Variants in GRIK2 observed in about 807,000 individuals in gnomAD.
The protein encoded by GRIK2 is glutamate receptor ionotropic, kainate 2.
GRIK2 carries 32 observed loss-of-function variants against 100.3 expected under a neutral mutation model. The ratio of observed to expected loss-of-function variants is 0.32; its 90% CI spans 0.24 to 0.43. The LOEUF (loss-of-function observed/expected upper bound fraction) is 0.43, where lower values mean the gene tolerates loss of function less well. GRIK2 is among the 20% of genes least tolerant of loss of function. The pLI is 1.00. For synonymous variants in GRIK2, 417 were observed against 389.4 expected, an observed-to-expected ratio of 1.07 and a Z score of -0.83; for missense variants, 843 against 1,114.9, an observed-to-expected ratio of 0.76 and a Z score of 3.47.
At chr6:101,611,441 G>A (rs186026208) in intron 2 of GRIK2, among the ~76,000 whole-genome samples, 29 of 151,816 alleles carry the variant, frequency 1.9e-4, no homozygotes, top group Middle Eastern at 3.4e-3. Flanking sequence ...CTAGAACTTC[G>A]AAAATTCCAG....
At chr6:101,771,517 A>C (rs940215690) in intron 7 of GRIK2, among the ~76,000 whole-genome samples, 1 of 150,872 alleles carries the variant, frequency 6.6e-6, no homozygotes, top group African/African-American at 2.4e-5. Flanking sequence ...GTTTTATTTT[A>C]TTTTTATTTA....
intron 2 of GRIK2, among the ~76,000 whole-genome samples, chr6:101,483,145 G>A (rs1421551613): frequency 1.3e-5 from 2 of 151,950 alleles, no homozygotes; most frequent in Non-Finnish European, 2.9e-5. Flanking sequence ...CTAAAGCAGT[G>A]GTCGCAATTT....
intron 7 of GRIK2, among the ~76,000 whole-genome samples, chr6:101,732,890 C>T (rs1413470673): frequency 6.6e-6 from 1 of 151,986 alleles, no homozygotes; most frequent in Non-Finnish European, 1.5e-5. Context: ...TGGGTTCTCC[C>T]ATACTGGAGA....
chr6:102,063,932 C>T, intron 16 of GRIK2: 1 of 983,934 alleles, frequency 1.0e-6, no homozygotes, highest in Non-Finnish European at 1.6e-6. Context: ...TACATGCTAA[C>T]AGCTCAAAGA....
chr6:101,997,462 C>T (rs1794710483), intron 14 of GRIK2, among the ~76,000 whole-genome samples: 1 of 151,974 alleles, frequency 6.6e-6, no homozygotes, highest in Non-Finnish European at 1.5e-5. Flanking sequence ...TTAGTTTTCA[C>T]TCAATGTGAT....
At chr6:101,765,537 T>C (rs1162669823) in intron 7 of GRIK2, among the ~76,000 whole-genome samples, 1 of 152,152 alleles carries the variant, frequency 6.6e-6, no homozygotes, top group African/African-American at 2.4e-5. Flanking sequence ...AGATTGCATT[T>C]CAGCTTTGGA....
At chr6:101,442,108 G>T (rs570774612) in intron 2 of GRIK2, among the ~76,000 whole-genome samples, 18 of 152,212 alleles carry the variant, frequency 1.2e-4, no homozygotes, top group Admixed American at 6.5e-4. Context: ...TGGCAGAAAA[G>T]GATAGCATGA....
intron 2 of GRIK2, among the ~76,000 whole-genome samples, chr6:101,588,387 G>T (rs1434548760): frequency 2.0e-5 from 3 of 152,068 alleles, no homozygotes; most frequent in Non-Finnish European, 4.4e-5. Flanking sequence ...TGCAGGGGCG[G>T]GGAGGATCAG....
rs1385720688 is a variant in GRIK2 at position 101,487,793 on chromosome 6, A to C, written c.115+88401A>C. 1.4e-5 allele frequency among the ~76,000 whole-genome samples: 2 copies of C among 146,676 alleles called. 1 individual carries two copies. The highest frequency in any genetic ancestry group is 4.3e-4 in the South Asian group (2 of 4,674). On this transcript the variant is annotated intron_variant, in intron 2 of 16. Coordinates refer to ENST00000369134, the MANE Select transcript of GRIK2 (RefSeq NM_021956.5). ...ATACAGCATTAAATTTAAAAAGATC[A>C]AACTATTGGTCTTCATGGAGCTTGT...
chr6:101,789,311 A>G (rs1481709332), intron 7 of GRIK2, among the ~76,000 whole-genome samples: 2 of 151,742 alleles, frequency 1.3e-5, no homozygotes, highest in Non-Finnish European at 2.9e-5. Flanking sequence ...CAATGCCTAG[A>G]TTTTCTTTTG....
At chr6:101,531,893 C>T (rs906206966) in intron 2 of GRIK2, among the ~76,000 whole-genome samples, 2 of 151,968 alleles carry the variant, frequency 1.3e-5, no homozygotes, top group East Asian at 1.9e-4. Context: ...TACTGCTACT[C>T]GTTGATTCCA....
At chr6:101,999,915 T>C (rs1001138778) in intron 14 of GRIK2, among the ~76,000 whole-genome samples, 1 of 152,092 alleles carries the variant, frequency 6.6e-6, no homozygotes, top group African/African-American at 2.4e-5. Context: ...CTTATACTTT[T>C]TAGAAATCTA....
intron 15 of GRIK2, among the ~76,000 whole-genome samples, chr6:102,039,838 T>A (rs1770473698): frequency 6.6e-6 from 1 of 151,536 alleles, no homozygotes; most frequent in African/African-American, 2.4e-5. Context: ...GACTGAAGGG[T>A]CTCATTAAGA....
intron 14 of GRIK2, among the ~76,000 whole-genome samples, chr6:102,024,505 G>C (rs1195987635): frequency 6.6e-6 from 1 of 151,164 alleles, no homozygotes; most frequent in Non-Finnish European, 1.5e-5. Flanking sequence ...GAAATGAATA[G>C]AAGACTGTAG....
intron 2 of GRIK2, among the ~76,000 whole-genome samples, chr6:101,512,625 A>T (rs920024271): frequency 6.6e-6 from 1 of 152,168 alleles, no homozygotes; most frequent in African/African-American, 2.4e-5. Context: ...AATAATTAAA[A>T]TATTTCTAAA....
At chr6:101,959,834 G>A (rs1044517673) in intron 14 of GRIK2, among the ~76,000 whole-genome samples, 5 of 151,912 alleles carry the variant, frequency 3.3e-5, no homozygotes, top group African/African-American at 7.2e-5. Flanking sequence ...AACTATATGT[G>A]ATAATGAGTT....
chr6:101,568,025 C>G (rs1466792129), intron 2 of GRIK2, among the ~76,000 whole-genome samples: 1 of 151,750 alleles, frequency 6.6e-6, no homozygotes, highest in Non-Finnish European at 1.5e-5. Context: ...CTTTATTGAT[C>G]TTATTAACTT....
At chr6:101,681,477 C>G (rs909252203) in intron 5 of GRIK2, among the ~76,000 whole-genome samples, 2 of 150,492 alleles carry the variant, frequency 1.3e-5, no homozygotes, top group African/African-American at 4.9e-5. Context: ...TCAACCAGTC[C>G]TCCTGCCTTG....
chr6:101,922,990 C>T (rs552732690), intron 12 of GRIK2, among the ~76,000 whole-genome samples: 3 of 152,276 alleles, frequency 2.0e-5, no homozygotes, highest in African/African-American at 7.2e-5. Flanking sequence ...TTCAGTCAGA[C>T]ACAACAAATC....
Sources: allele counts gnomAD v4.1 joint callset (sites outside exome capture counted in the v4.1 genomes callset), GRCh38; gene constraint gnomAD v4.1.1; transcripts MANE v1.5; gene names NCBI Gene and HGNC (gene_info 2026-07-23, HGNC 2026-07-21).